Variants in GRID2 observed in about 807,000 individuals in gnomAD.
GRID2 encodes the protein glutamate ionotropic receptor delta type subunit 2.
GRID2 carries 33 observed loss-of-function variants against 114.8 expected under a neutral mutation model. The ratio of observed to expected loss-of-function variants is 0.29; its 90% CI spans 0.22 to 0.38. GRID2 has a LOEUF of 0.38. GRID2 is among the 10% of genes least tolerant of loss of function. The pLI, the probability that GRID2 is intolerant of heterozygous loss-of-function variation, is 1.00. For synonymous variants in GRID2, 505 were observed against 449.9 expected, an observed-to-expected ratio of 1.12 and a Z score of -1.55; for missense variants, 1,184 against 1,257.7, an observed-to-expected ratio of 0.94 and a Z score of 0.89.
intron 8 of GRID2, among the ~76,000 whole-genome samples, chr4:93,390,130 C>T (rs1174302330): frequency 1.3e-5 from 2 of 152,128 alleles, no homozygotes; most frequent in Non-Finnish European, 2.9e-5. Context: ...CTTGGCTATA[C>T]ATTGGAATTA....
intron 14 of GRID2, among the ~76,000 whole-genome samples, chr4:93,730,886 A>T (rs1476450143): frequency 6.6e-6 from 1 of 152,228 alleles, no homozygotes; most frequent in South Asian, 2.1e-4. Flanking sequence ...AAATATGCAT[A>T]AACTATGGTC....
chr4:92,816,719 A>G (rs1460732691), intron 2 of GRID2, among the ~76,000 whole-genome samples: 1 of 152,184 alleles, frequency 6.6e-6, no homozygotes, highest in Non-Finnish European at 1.5e-5. Context: ...TTTAAAGTTT[A>G]CATAACTCTT....
chr4:93,718,890 C>T (rs7691504), intron 14 of GRID2, among the ~76,000 whole-genome samples: 6,408 of 152,048 alleles, frequency 0.042, 218 homozygotes, highest in African/African-American at 0.085. Flanking sequence ...AATTTTCAGC[C>T]CCACTTATAA....
intron 12 of GRID2, among the ~76,000 whole-genome samples, chr4:93,505,986 T>C (rs150489095): frequency 5.9e-5 from 9 of 152,302 alleles, no homozygotes; most frequent in Admixed American, 1.3e-4. Context: ...ATCATTTTTA[T>C]TGGTTATAGC....
chr4:93,778,852 TG>T (rs1030159449), downstream of GRID2, among the ~76,000 whole-genome samples: 33 of 152,346 alleles, frequency 2.2e-4, no homozygotes, highest in African/African-American at 7.0e-4. Context: ...TCACACATGA[TG>T]TTTTTTTAAT....
At chr4:92,657,958 A>G (rs372431991) in intron 2 of GRID2, among the ~76,000 whole-genome samples, 1,893 of 141,332 alleles carry the variant, frequency 0.013, 36 homozygotes, top group African/African-American at 0.045. Flanking sequence ...AGAAGACACA[A>G]TTTCTGTAAA....
chr4:92,448,131 TTATGTATGTATGTATGTATG>T (rs10551052), intron 1 of GRID2, among the ~76,000 whole-genome samples: 5 of 145,484 alleles, frequency 3.4e-5, no homozygotes, highest in East Asian at 2.0e-4. Flanking sequence ...GATTTTTATT[TTATGTATGTATGTATGTATG>T]TATGTATGTA....
intron 13 of GRID2, among the ~76,000 whole-genome samples, chr4:93,558,495 G>A (rs1041799066): frequency 6.6e-6 from 1 of 152,130 alleles, no homozygotes; most frequent in East Asian, 1.9e-4. Flanking sequence ...AGAATAAATG[G>A]ATAAATTCCT....
intron 8 of GRID2, among the ~76,000 whole-genome samples, chr4:93,351,488 A>C (rs75807564): frequency 6.6e-6 from 1 of 152,014 alleles, no homozygotes; most frequent in African/African-American, 2.4e-5. Flanking sequence ...ATTCATTTAC[A>C]TTTACAATTA....
chr4:93,135,433 C>A (rs184269723), intron 4 of GRID2, among the ~76,000 whole-genome samples: 1 of 152,102 alleles, frequency 6.6e-6, no homozygotes, highest in African/African-American at 2.4e-5. Context: ...AGAAAGCTTC[C>A]GTGTGTGCCA....
Position 92,460,032 on chromosome 4 carries a change from C to CTCTCTATATATATA in GRID2, c.89-130098_89-130097insCTCTATATATATAT, listed in dbSNP as rs749790235. Among the ~76,000 whole-genome samples the CTCTCTATATATATA allele has an allele frequency of 5.2e-4, 25 of 48,434 alleles. 1 individual carries two copies. Among genetic ancestry groups the CTCTCTATATATATA allele is most frequent in the African/African-American group, 1.9e-3 (19 of 9,896 alleles). 31.8% of individuals were successfully genotyped at this position (48,434 alleles called of 152,430 possible). On this transcript the variant is annotated intron_variant, in intron 1 of 15. Coordinates refer to ENST00000282020, the MANE Select transcript of GRID2 (RefSeq NM_001510.4). The stretch of plus-strand genomic sequence containing the variant: ...AGCCCATTCCTTAAAATAAATCTCA[C>CTCTCTATATATATA]TATATATATATATATATATATACAC...
chr4:92,846,746 C>A (rs1194831856), intron 2 of GRID2, among the ~76,000 whole-genome samples: 1 of 152,038 alleles, frequency 6.6e-6, no homozygotes, highest in Non-Finnish European at 1.5e-5. Flanking sequence ...AGATTGCACT[C>A]CAGTTTAAAT....
At chr4:93,534,773 T>C (rs1731857172) in intron 13 of GRID2, among the ~76,000 whole-genome samples, 1 of 152,080 alleles carries the variant, frequency 6.6e-6, no homozygotes, top group Non-Finnish European at 1.5e-5. Context: ...GTTTGATGAT[T>C]TGATGTATGT....
chr4:92,384,598 C>T (rs1460805813), intron 1 of GRID2, among the ~76,000 whole-genome samples: 1,419 of 26,032 alleles, frequency 0.055, 93 homozygotes, highest in South Asian at 0.11. Flanking sequence ...TTATATATAA[C>T]ATAATATATA....
intron 1 of GRID2, among the ~76,000 whole-genome samples, chr4:92,349,614 A>G (rs1727961662): frequency 6.6e-6 from 1 of 151,716 alleles, no homozygotes; most frequent in South Asian, 2.1e-4. Flanking sequence ...AAATAAATAT[A>G]TGAAGAATAC....
intron 2 of GRID2, among the ~76,000 whole-genome samples, chr4:92,765,292 A>G (rs1738205277): frequency 6.6e-6 from 1 of 152,220 alleles, no homozygotes; most frequent in South Asian, 2.1e-4. Context: ...AACTAATTTC[A>G]GAGGAAGGTC....
intron 2 of GRID2, among the ~76,000 whole-genome samples, chr4:92,885,454 C>A (rs1746308595): frequency 6.6e-6 from 1 of 152,172 alleles, no homozygotes; most frequent in African/African-American, 2.4e-5. Flanking sequence ...TTGAAATTAA[C>A]TCAGCTCTCA....
intron 8 of GRID2, among the ~76,000 whole-genome samples, chr4:93,265,803 A>C (rs1750759588): frequency 1.3e-5 from 2 of 152,226 alleles, no homozygotes; most frequent in East Asian, 1.9e-4. Context: ...CCTTCCCACC[A>C]TGCAGTTCAA....
intron 1 of GRID2, among the ~76,000 whole-genome samples, chr4:93,784,645 TACACAC>T (rs59896203): frequency 1.4e-5 from 2 of 147,636 alleles, no homozygotes; most frequent in Admixed American, 6.8e-5. Flanking sequence ...GTCCTTTTTA[TACACAC>T]ACACACACAC....
Sources: gnomAD v4.1 joint callset for allele counts (sites outside exome capture counted in the v4.1 genomes callset) on GRCh38, gnomAD v4.1.1 for gene constraint, MANE v1.5 for transcripts, NCBI Gene and HGNC (gene_info 2026-07-23, HGNC 2026-07-21) for gene names.